Variants in ARSB observed in about 807,000 individuals in gnomAD.
ARSB encodes arylsulfatase B.
ARSB carries 41 observed loss-of-function variants against 50.9 expected under a neutral mutation model. The observed-to-expected ratio is 0.81, with a 90% CI of 0.63 to 1.04. The LOEUF is 1.04. Among genes scored for constraint, ARSB ranks in the 50% least tolerant of loss-of-function variants. The probability of loss-of-function intolerance (pLI) is 0.00; values close to 1 mark genes in which losing one functional copy is unlikely to be tolerated. For missense variants in ARSB, 672 were observed against 693.3 expected (o/e 0.97, Z 0.35); for synonymous variants, 269 against 284.8 (o/e 0.94, Z 0.56).
Position 78,885,623 on chromosome 5 carries a change from G to C in ARSB, c.1103C>G (p.Thr368Arg). 6.2e-7 allele frequency: 1 copy of C among 1,614,072 alleles called. No individual in the cohort carries two copies. Among genetic ancestry groups the C allele is most frequent in the Non-Finnish European group, 8.5e-7 (1 of 1,180,034 alleles). Reference protein sequence around the residue: ...VKLARGHTNGTKPLDGFDVWK... With the variant: ...VKLARGHTNGRKPLDGFDVWK... ...CACGTCGAAGCCATCCAGAGGCTTT[G>C]TGCCATTGGTGTGTCCCCTGGCCAG... The change falls in exon 5 of 8, where the codon ACA (threonine) becomes AGA (arginine). Residue 368 changes from threonine to arginine, a missense_variant. Coordinates refer to ENST00000264914, the MANE Select transcript of ARSB (RefSeq NM_000046.5).
At chr5:78,931,901 C>T (rs972002453) in intron 4 of ARSB, among the ~76,000 whole-genome samples, 3 of 151,964 alleles carry the variant, frequency 2.0e-5, no homozygotes, top group Admixed American at 2.0e-4. Flanking sequence ...TTATAAAGGG[C>T]TCTTCCCCCT....
chr5:78,938,078 C>A (rs928080401), intron 4 of ARSB, among the ~76,000 whole-genome samples: 2 of 152,134 alleles, frequency 1.3e-5, no homozygotes, highest in Non-Finnish European at 2.9e-5. Flanking sequence ...TGGCAGGAGG[C>A]CTGCCCATGC....
chr5:78,941,192 G>A (rs1376802002), intron 4 of ARSB, among the ~76,000 whole-genome samples: 17 of 151,310 alleles, frequency 1.1e-4, no homozygotes, highest in East Asian at 3.9e-4. Flanking sequence ...GGGCTGAGAC[G>A]ATGGGGTTTT....
At chr5:78,872,272 T>C (rs1246161549) in intron 5 of ARSB, among the ~76,000 whole-genome samples, 1 of 151,586 alleles carries the variant, frequency 6.6e-6, no homozygotes, top group Non-Finnish European at 1.5e-5. Flanking sequence ...TCCTCAGGGA[T>C]CCAGAACTAG....
At chr5:78,905,146 C>T (rs931841077) in intron 4 of ARSB, among the ~76,000 whole-genome samples, 9 of 152,030 alleles carry the variant, frequency 5.9e-5, no homozygotes, top group Non-Finnish European at 1.2e-4. Flanking sequence ...ATTTGTTTGG[C>T]TTTAGTTTCT....
intron 6 of ARSB, among the ~76,000 whole-genome samples, chr5:78,822,846 C>T (rs1744290668): frequency 6.6e-6 from 1 of 152,112 alleles, no homozygotes; most frequent in Non-Finnish European, 1.5e-5. Flanking sequence ...CCATGTTGGC[C>T]AGGATGGTCT....
chr5:78,873,034 A>G (rs1325176157), intron 5 of ARSB, among the ~76,000 whole-genome samples: 1 of 151,830 alleles, frequency 6.6e-6, no homozygotes, highest in Non-Finnish European at 1.5e-5. Flanking sequence ...CATACGAGTT[A>G]AAAAAAATAG....
At chr5:78,845,580 T>A (rs1341451172) in intron 5 of ARSB, among the ~76,000 whole-genome samples, 1 of 152,080 alleles carries the variant, frequency 6.6e-6, no homozygotes, top group African/African-American at 2.4e-5. Flanking sequence ...TCTAACCGGG[T>A]TGAGATCATA....
chr5:78,885,441 C>T, intron 5 of ARSB, 143 bp downstream of exon 5: 7 of 1,220,570 alleles, frequency 5.7e-6, no homozygotes, highest in Non-Finnish European at 7.9e-6. Context: ...TACAATGTCT[C>T]TAAAGGCACT....
rs1212958079 is a variant in ARSB at position 78,804,347 on chromosome 5, C to T, written c.1214-22373G>A. On this transcript the variant is annotated intron_variant, in intron 6 of 7. Transcript: ENST00000264914. Reference sequence around the variant, plus strand: ...CCTTTCCTTGCCACCCCATCCGAACCACCCTATCACTGAGGTTAGAGGACT... The same window carrying T: ...CCTTTCCTTGCCACCCCATCCGAACTACCCTATCACTGAGGTTAGAGGACT... Among the ~76,000 whole-genome samples the T allele has an allele frequency of 2.6e-5, 4 of 152,150 alleles. No homozygotes were observed. The East Asian group carries it at 7.7e-4, about 29-fold the overall frequency.
chr5:78,813,123 G>A (rs1231703486), intron 6 of ARSB, among the ~76,000 whole-genome samples: 1 of 151,880 alleles, frequency 6.6e-6, no homozygotes, highest in Non-Finnish European at 1.5e-5. Flanking sequence ...GGAGTGCAGT[G>A]GTGCAATCTC....
intron 5 of ARSB, among the ~76,000 whole-genome samples, chr5:78,871,126 T>C (rs1747143304): frequency 6.7e-6 from 1 of 148,680 alleles, no homozygotes; most frequent in Non-Finnish European, 1.5e-5. Flanking sequence ...AAGGACCTCT[T>C]CAAGGAGAAC....
chr5:78,916,013 G>A (rs973267975), intron 4 of ARSB, among the ~76,000 whole-genome samples: 1 of 152,170 alleles, frequency 6.6e-6, no homozygotes, highest in African/African-American at 2.4e-5. Context: ...AATGCTCTGA[G>A]ATTAGCATTT....
rs1751664218 is a variant in ARSB at position 78,955,176 on chromosome 5, T to C, written c.898+119A>G. On this transcript the variant is annotated intron_variant, in intron 4 of 7. Transcript: ENST00000264914. ...TCCACAATTACCATGTCTCCACTAT[T>C]GCAGTTTGCATTTATTTTAATAAGG... 7 of 934,532 alleles carry C rather than the reference T, an allele frequency of 7.5e-6. No homozygotes were observed. In the South Asian group the frequency reaches 9.8e-5, roughly 13 times the overall value. The allele number at this position is 934,532 out of a possible 1,614,324, so 57.9% of individuals were successfully genotyped here.
chr5:78,837,987 A>G (rs1473827831), intron 6 of ARSB, among the ~76,000 whole-genome samples: 1 of 152,190 alleles, frequency 6.6e-6, no homozygotes, highest in Non-Finnish European at 1.5e-5. Context: ...TAATGTGTCC[A>G]CTTGGTCTTT....
At chr5:78,911,738 A>C (rs1749322944) in intron 4 of ARSB, among the ~76,000 whole-genome samples, 1 of 152,134 alleles carries the variant, frequency 6.6e-6, no homozygotes, top group African/African-American at 2.4e-5. Context: ...AATCACAAAG[A>C]GACGAGAGAC....
intron 5 of ARSB, among the ~76,000 whole-genome samples, chr5:78,863,953 A>C (rs760682917): frequency 6.6e-6 from 1 of 151,962 alleles, no homozygotes; most frequent in Non-Finnish European, 1.5e-5. Context: ...GTGGCCATCT[A>C]AATTTAAAAT....
At chr5:78,936,871 C>T (rs530437558) in intron 4 of ARSB, among the ~76,000 whole-genome samples, 40 of 152,216 alleles carry the variant, frequency 2.6e-4, no homozygotes, top group African/African-American at 9.4e-4. Flanking sequence ...TTTGGCTAGA[C>T]GACTGTAGGA....
intron 2 of ARSB, among the ~76,000 whole-genome samples, chr5:78,966,113 G>T (rs540939449): frequency 2.0e-5 from 3 of 152,206 alleles, no homozygotes; most frequent in Non-Finnish European, 4.4e-5. Flanking sequence ...ACTGTTAAGT[G>T]TGAGCTGCTT....
Sources: gnomAD v4.1 joint callset for allele counts (sites outside exome capture counted in the v4.1 genomes callset) on GRCh38, gnomAD v4.1.1 for gene constraint, MANE v1.5 for transcripts, NCBI Gene and HGNC (gene_info 2026-07-23, HGNC 2026-07-21) for gene names.